ANKRD44: variants seen among roughly 807,000 people sequenced by gnomAD.
ANKRD44 encodes serine/threonine-protein phosphatase 6 regulatory ankyrin repeat subunit B.
In ANKRD44, 35 loss-of-function variants were observed where a neutral mutation model predicts 116.0. The observed-to-expected ratio is 0.30, with a 90% CI of 0.23 to 0.40. ANKRD44 has a LOEUF of 0.40. ANKRD44 is among the 10% of genes least tolerant of loss of function. The probability of loss-of-function intolerance (pLI) is 1.00; values close to 1 mark genes in which losing one functional copy is unlikely to be tolerated. For missense variants in ANKRD44, 1,014 were observed against 1,242.6 expected, an observed-to-expected ratio of 0.82 and a Z score of 2.77; for synonymous variants, 435 against 461.8, an observed-to-expected ratio of 0.94 and a Z score of 0.74.
At chr2:197,015,108 G>A (rs979861034) in intron 17 of ANKRD44, 1 of 240,840 alleles carries the variant, frequency 4.2e-6, no homozygotes, top group Non-Finnish European at 8.4e-6. Flanking sequence ...AAAGACCCCC[G>A]AACAAAATGT....
At chr2:197,098,878 G>C (rs1052600316) in intron 10 of ANKRD44, among the ~76,000 whole-genome samples, 15 of 152,082 alleles carry the variant, frequency 9.9e-5, no homozygotes, top group South Asian at 2.1e-4. Context: ...GCTTGGATTG[G>C]CATCAAGGGA....
chr2:197,272,650 GAGCCCTT>G (rs1429091128), intron 1 of ANKRD44, among the ~76,000 whole-genome samples: 2 of 152,180 alleles, frequency 1.3e-5, no homozygotes, highest in Non-Finnish European at 2.9e-5. Flanking sequence ...TTGGAGAGTG[GAGCCCTT>G]AAAGTGGAAT....
chr2:197,280,249 T>C (rs923316448), intron 1 of ANKRD44, among the ~76,000 whole-genome samples: 2 of 152,064 alleles, frequency 1.3e-5, no homozygotes, highest in African/African-American at 4.8e-5. Context: ...AGAATGAAAT[T>C]AGCATAAAGA....
intron 2 of ANKRD44, among the ~76,000 whole-genome samples, chr2:197,176,616 A>G (rs770110290): frequency 6.6e-6 from 1 of 152,218 alleles, no homozygotes; most frequent in Non-Finnish European, 1.5e-5. Context: ...AACTCTGGAC[A>G]TGAGCTTGTA....
intron 1 of ANKRD44, among the ~76,000 whole-genome samples, chr2:197,230,074 G>A (rs1199024108): frequency 6.6e-6 from 1 of 151,974 alleles, no homozygotes; most frequent in African/African-American, 2.4e-5. Flanking sequence ...TGGAAGGTGG[G>A]ATAGAGGTGT....
At chr2:197,188,526 C>G (rs1201072702) in intron 1 of ANKRD44, among the ~76,000 whole-genome samples, 1 of 152,180 alleles carries the variant, frequency 6.6e-6, no homozygotes, top group Non-Finnish European at 1.5e-5. Flanking sequence ...CACTTGCTAG[C>G]CACATGCAAA....
chr2:197,001,754 T>C lies in ANKRD44; in HGVS notation c.2434A>G (p.Ile812Val). Residue 812 changes from isoleucine to valine, a missense_variant and splice_region_variant, in exon 22 of 28, where the codon ATA becomes GTA. Ile to Val is a conservative substitution (Grantham distance 29). Transcript: ENST00000282272. ...TTAACTCTCAGCGTTTCTACTTACATTGCACAGTGCAGTGGAGTAAAGGGA... is the reference window on the plus strand; with the variant it reads ...TTAACTCTCAGCGTTTCTACTTACACTGCACAGTGCAGTGGAGTAAAGGGA... ...GNPFTPLHCA[I>V]INDHGNCASL... 1 of 1,608,074 alleles carries C rather than the reference T, an allele frequency of 6.2e-7. No homozygotes were observed. The highest frequency in any genetic ancestry group is 8.5e-7 in the Non-Finnish European group (1 of 1,175,750).
intron 17 of ANKRD44, among the ~76,000 whole-genome samples, chr2:197,019,310 T>C (rs1272847471): frequency 6.6e-6 from 1 of 152,238 alleles, no homozygotes; most frequent in African/African-American, 2.4e-5. Flanking sequence ...TATGTCTAAC[T>C]TTCTGATCTG....
At chr2:196,990,041 A>G in intron 27 of ANKRD44, 1 of 1,011,496 alleles carries the variant, frequency 9.9e-7, no homozygotes, top group South Asian at 4.1e-5. Context: ...ACACTGTGTT[A>G]AACAAAAAAA....
At chr2:197,275,149 C>T (rs1257214138) in intron 1 of ANKRD44, among the ~76,000 whole-genome samples, 2 of 151,674 alleles carry the variant, frequency 1.3e-5, no homozygotes, top group Non-Finnish European at 2.9e-5. Flanking sequence ...CGCTCTGTCA[C>T]CCAGGCTGGA....
At chr2:197,091,827 C>T (rs1235358619) in intron 10 of ANKRD44, among the ~76,000 whole-genome samples, 2 of 152,170 alleles carry the variant, frequency 1.3e-5, no homozygotes, top group Admixed American at 6.5e-5. Context: ...TAGATTTTTA[C>T]ATTGCACATT....
chr2:196,978,912 G>A (rs1435778379), intron 21 of ANKRD44, among the ~76,000 whole-genome samples: 6 of 143,540 alleles, frequency 4.2e-5, no homozygotes, highest in African/African-American at 5.2e-5. Context: ...AAAAAAAAAA[G>A]GCGACAAAAA....
At chr2:197,089,901 T>C in intron 11 of ANKRD44, 49 bp downstream of exon 11, 1 of 1,531,962 alleles carries the variant, frequency 6.5e-7, no homozygotes, top group Non-Finnish European at 9.0e-7. Context: ...AGCCATTGAC[T>C]CATGTACAGG....
chr2:197,196,326 T>C (rs1385702474), intron 1 of ANKRD44, among the ~76,000 whole-genome samples: 1 of 152,204 alleles, frequency 6.6e-6, no homozygotes, highest in East Asian at 1.9e-4. Flanking sequence ...ATTTGTCTGT[T>C]CAAATAGAGA....
chr2:197,056,404 A>C (rs2077204390), intron 16 of ANKRD44, among the ~76,000 whole-genome samples: 1 of 152,170 alleles, frequency 6.6e-6, no homozygotes, highest in African/African-American at 2.4e-5. Context: ...AAACAGAGTT[A>C]CTTTTTCTCC....
At chr2:197,061,644 A>G (rs957764374) in intron 16 of ANKRD44, among the ~76,000 whole-genome samples, 5 of 152,202 alleles carry the variant, frequency 3.3e-5, no homozygotes, top group Non-Finnish European at 7.3e-5. Context: ...GGGCCAAAGA[A>G]ATAACTGGGG....
chr2:197,000,770 C>T (rs184522135), intron 22 of ANKRD44, among the ~76,000 whole-genome samples: 76 of 152,244 alleles, frequency 5.0e-4, no homozygotes, highest in African/African-American at 1.8e-3. Flanking sequence ...GACATGCTTC[C>T]TTCAGATTTA....
At chr2:197,227,081 C>T (rs1052788945) in intron 1 of ANKRD44, among the ~76,000 whole-genome samples, 1 of 152,184 alleles carries the variant, frequency 6.6e-6, no homozygotes, top group Non-Finnish European at 1.5e-5. Flanking sequence ...CAGCAGAAAA[C>T]AGCATCTTAA....
intron 1 of ANKRD44, among the ~76,000 whole-genome samples, chr2:197,209,558 A>G (rs1406223): frequency 0.24 from 36,397 of 152,156 alleles, 4,672 homozygotes; most frequent in Middle Eastern, 0.3. Flanking sequence ...TCAGCACTCA[A>G]GCAGTCCAGG....
Sources: allele counts gnomAD v4.1 joint callset (sites outside exome capture counted in the v4.1 genomes callset), GRCh38; gene constraint gnomAD v4.1.1; transcripts MANE v1.5; gene names NCBI Gene and HGNC (gene_info 2026-07-23, HGNC 2026-07-21).